STRN: variants seen among roughly 807,000 people sequenced by gnomAD.
STRN encodes the protein protein phosphatase 2 regulatory subunit B'''alpha.
A neutral mutation model predicts 96.3 loss-of-function variants in STRN; 53 were observed. The ratio of observed to expected loss-of-function variants is 0.55; its 90% CI spans 0.44 to 0.69. The LOEUF (loss-of-function observed/expected upper bound fraction) is 0.69. STRN is among the 30% of genes least tolerant of loss of function. The pLI is 0.00. For missense variants in STRN, 987 were observed against 963.9 expected, an observed-to-expected ratio of 1.02 and a Z score of -0.32; for synonymous variants, 428 against 355.9, an observed-to-expected ratio of 1.20 and a Z score of -2.28.
At chr2:36,879,032 C>G (rs374719540) in intron 9 of STRN, among the ~76,000 whole-genome samples, 1 of 151,800 alleles carries the variant, frequency 6.6e-6, no homozygotes. Context: ...GGATTACAGG[C>G]ATGAGCCACT....
At chr2:36,915,014 G>A (rs1379052812) in intron 3 of STRN, among the ~76,000 whole-genome samples, 1 of 151,382 alleles carries the variant, frequency 6.6e-6, no homozygotes, top group African/African-American at 2.4e-5. Context: ...TGGCTAACAC[G>A]GTGAAACCCC....
rs939543059 is a variant in STRN at position 36,877,558 on chromosome 2, C to T, written c.1323+333G>A. ...TTTATTTTATTTTACTTTTTTGAGA[C>T]GGAGTCTCACTCTGTTGCACAGGCT... On this transcript the variant is annotated intron_variant, in intron 10 of 17. Coordinates refer to ENST00000263918, the MANE Select transcript of STRN (RefSeq NM_003162.4). 3.3e-5 allele frequency among the ~76,000 whole-genome samples: 5 copies of T among 152,162 alleles called. No individual in the cohort carries two copies. In the East Asian group the frequency reaches 5.8e-4, roughly 18 times the overall value.
At chr2:36,952,804 C>T (rs1160927782) in intron 1 of STRN, among the ~76,000 whole-genome samples, 3 of 152,226 alleles carry the variant, frequency 2.0e-5, no homozygotes, top group Non-Finnish European at 2.9e-5. Flanking sequence ...TCAGCAAGTG[C>T]GCTGACCCAG....
At position 36,845,316 on chromosome 2, in the gene STRN, T is replaced by C. The variant is rs1245931690; in HGVS notation, c.*4140A>G. ...TCTGATTTGTGACATCTTAATACAATATAACTTAAATGACAAAGCCTGAGA... is the reference window on the plus strand; with the variant it reads ...TCTGATTTGTGACATCTTAATACAACATAACTTAAATGACAAAGCCTGAGA... On this transcript the variant is annotated 3_prime_UTR_variant, in exon 18 of 18. Transcript: ENST00000263918. 1 of 152,134 alleles carries C rather than the reference T, an allele frequency of 6.6e-6. No individual in the cohort carries two copies. Among genetic ancestry groups the C allele is most frequent in the Non-Finnish European group, 1.5e-5 (1 of 68,016 alleles). The allele number at this position is 152,134 out of a possible 1,614,324, so 9.4% of individuals were successfully genotyped here.
At chr2:36,935,490 T>A (rs1314256365) in intron 1 of STRN, among the ~76,000 whole-genome samples, 1 of 152,224 alleles carries the variant, frequency 6.6e-6, no homozygotes, top group Non-Finnish European at 1.5e-5. Flanking sequence ...ACATAATTAT[T>A]GTCTTGTTCT....
chr2:36,903,435 C>T (rs1018573927), intron 4 of STRN, among the ~76,000 whole-genome samples: 1 of 152,168 alleles, frequency 6.6e-6, no homozygotes, highest in African/African-American at 2.4e-5. Context: ...TCCTTTAAAA[C>T]AGACACACCT....
At chr2:36,856,319 T>A (rs1263024818) in intron 14 of STRN, among the ~76,000 whole-genome samples, 2 of 152,206 alleles carry the variant, frequency 1.3e-5, no homozygotes, top group Non-Finnish European at 2.9e-5. Flanking sequence ...ATTCTAAGTC[T>A]CTACACACCT....
At position 36,844,811 on chromosome 2, in the gene STRN, G is replaced by A. The variant is rs1668025343; in HGVS notation, c.*4645C>T. The A allele has an allele frequency of 6.6e-6, 1 of 152,142 alleles. No homozygotes were observed. Among genetic ancestry groups the A allele is most frequent in the Non-Finnish European group, 1.5e-5 (1 of 68,022 alleles). 9.4% of individuals were successfully genotyped at this position (152,142 alleles called of 1,614,324 possible). A position where few individuals can be genotyped will look rare whatever the true frequency, so the allele number is the denominator to read the frequency against. On this transcript the variant is annotated 3_prime_UTR_variant, in exon 18 of 18. Transcript: ENST00000263918. ...AATTAAAAAGTTTGTAGTGGCAAAA[G>A]TAAAAATGATTCAAATTGACGAATG...
chr2:36,956,504 T>C (rs1404235349), intron 1 of STRN, among the ~76,000 whole-genome samples: 1 of 152,114 alleles, frequency 6.6e-6, no homozygotes, highest in East Asian at 1.9e-4. Flanking sequence ...CAAGGACAAT[T>C]TTATTTCTAA....
rs1469033591 is a variant in STRN, at chr2:36,845,949, ACACT to A, written c.*3503_*3506del. 1 of 96,448 alleles carries A rather than the reference ACACT, an allele frequency of 1.0e-5. No homozygotes were observed. Among genetic ancestry groups the A allele is most frequent in the East Asian group, 4.1e-4 (1 of 2,460 alleles). 6.0% of individuals were successfully genotyped at this position (96,448 alleles called of 1,614,324 possible). On this transcript the variant is annotated 3_prime_UTR_variant, in exon 18 of 18. Coordinates refer to ENST00000263918, the MANE Select transcript of STRN (RefSeq NM_003162.4). ...CACACACACACACACACACACACAC[ACACT>A]AACTCTCTCTCTCTCTCTGTGCCCC...
At chr2:36,945,150 G>C (rs1670946853) in intron 1 of STRN, among the ~76,000 whole-genome samples, 2 of 152,030 alleles carry the variant, frequency 1.3e-5, no homozygotes, top group Non-Finnish European at 1.5e-5. Flanking sequence ...GGGACAATTG[G>C]ATTTTTATAA....
intron 16 of STRN, among the ~76,000 whole-genome samples, chr2:36,850,399 C>T (rs904862257): frequency 1.3e-5 from 2 of 152,146 alleles, no homozygotes; most frequent in African/African-American, 2.4e-5. Flanking sequence ...TTCCTTTATA[C>T]TGGTGAAATG....
intron 1 of STRN, among the ~76,000 whole-genome samples, chr2:36,947,133 T>C (rs1664596990): frequency 6.6e-6 from 1 of 152,136 alleles, no homozygotes. Flanking sequence ...CCTGAATTCA[T>C]GATCTGCCTG....
At position 36,842,469 on chromosome 2, in the gene STRN, A is replaced by AATTACCT. The variant is rs1288519897; in HGVS notation, c.*6986_*6987insAGGTAAT. On this transcript the variant is annotated 3_prime_UTR_variant, in exon 18 of 18. Transcript: ENST00000263918. The stretch of plus-strand genomic sequence containing the variant: ...TTAATTACCTAAAGAGGGACACAGA[A>AATTACCT]AAAGTCAATGTGGAGCTGGCATCTG... The AATTACCT allele has an allele frequency of 6.6e-6, 1 of 152,172 alleles. No homozygotes were observed. Among genetic ancestry groups the AATTACCT allele is most frequent in the East Asian group, 1.9e-4 (1 of 5,204 alleles). 9.4% of individuals were successfully genotyped at this position (152,172 alleles called of 1,614,324 possible).
At chr2:36,871,996 G>C (rs1258338858) in intron 10 of STRN, among the ~76,000 whole-genome samples, 10 of 152,226 alleles carry the variant, frequency 6.6e-5, no homozygotes, top group Non-Finnish European at 7.3e-5. Context: ...GAAAAGCTGA[G>C]TTGAATCATG....
intron 16 of STRN, among the ~76,000 whole-genome samples, chr2:36,850,475 T>C (rs1278792904): frequency 6.6e-6 from 1 of 152,198 alleles, no homozygotes; most frequent in Non-Finnish European, 1.5e-5. Flanking sequence ...ACCAGTCAGT[T>C]TTATAATACA....
At chr2:36,942,982 C>A (rs1236517597) in intron 1 of STRN, among the ~76,000 whole-genome samples, 1 of 152,152 alleles carries the variant, frequency 6.6e-6, no homozygotes, top group Non-Finnish European at 1.5e-5. Context: ...AGGTGTCAGC[C>A]ACCATGCCCG....
At chr2:36,905,433 T>C (rs1025053579) in intron 4 of STRN, 107 bp downstream of exon 4, 3 of 962,560 alleles carry the variant, frequency 3.1e-6, no homozygotes, top group Middle Eastern at 2.1e-4. Context: ...TCACAGCATC[T>C]GTATGAGATA....
At position 36,845,918 on chromosome 2, in the gene STRN, C is replaced by A. The variant is rs1430724559; in HGVS notation, c.*3538G>T. The A allele has an allele frequency of 3.9e-5, 1 of 25,526 alleles. No homozygotes were observed. The highest frequency in any genetic ancestry group is 6.2e-4 in the Admixed American group (1 of 1,622). The allele number at this position is 25,526 out of a possible 1,614,324, so 1.6% of individuals were successfully genotyped here. A position where few individuals can be genotyped will look rare whatever the true frequency, so the allele number is the denominator to read the frequency against. ...ACACACACACACACGCATGCATGCA[C>A]ACACACACACACACACACACACACA... On this transcript the variant is annotated 3_prime_UTR_variant, in exon 18 of 18. Transcript: ENST00000263918.
Sources: gnomAD v4.1 joint callset for allele counts (sites outside exome capture counted in the v4.1 genomes callset) on GRCh38, gnomAD v4.1.1 for gene constraint, MANE v1.5 for transcripts, NCBI Gene and HGNC (gene_info 2026-07-23, HGNC 2026-07-21) for gene names.